Variants in PRDM16 observed in about 807,000 individuals in gnomAD.
PRDM16 encodes PR/SET domain 16.
PRDM16 carries 23 observed loss-of-function variants against 110.6 expected under a neutral mutation model. That is an observed-to-expected ratio of 0.21 (90% CI 0.15 to 0.29). The LOEUF (loss-of-function observed/expected upper bound fraction) is 0.29, where lower values mean the gene tolerates loss of function less well. PRDM16 is among the 10% of genes least tolerant of loss of function. PRDM16 has a pLI of 1.00. For synonymous variants in PRDM16, 799 were observed against 781.8 expected (o/e 1.02, Z -0.37); for missense variants, 1,615 against 1,794.3 (o/e 0.90, Z 1.81).
At chr1:3,158,615 A>C (rs1172146298) in intron 1 of PRDM16, among the ~76,000 whole-genome samples, 1 of 152,088 alleles carries the variant, frequency 6.6e-6, no homozygotes, top group African/African-American at 2.4e-5. Flanking sequence ...TGGGGGGAAA[A>C]GAGGAGACTG....
At chr1:3,388,288 C>T (rs1643235802) in intron 4 of PRDM16, among the ~76,000 whole-genome samples, 1 of 149,296 alleles carries the variant, frequency 6.7e-6, no homozygotes, top group East Asian at 2.1e-4. Flanking sequence ...CTCCCTCTCT[C>T]TTTCTCTGTC....
At chr1:3,364,974 C>T (rs962716672) in intron 3 of PRDM16, among the ~76,000 whole-genome samples, 2 of 152,200 alleles carry the variant, frequency 1.3e-5, no homozygotes, top group Non-Finnish European at 2.9e-5. Flanking sequence ...GAAAGCCTTA[C>T]CCAGTGCTGG....
intron 4 of PRDM16, chr1:3,386,955 T>G (rs1466667255): frequency 6.6e-6 from 1 of 152,066 alleles, no homozygotes; most frequent in Non-Finnish European, 1.5e-5. Flanking sequence ...TGTGTCTAGC[T>G]TTTTAAAAAA....
chr1:3,248,911 G>A (rs1392721459), intron 3 of PRDM16, among the ~76,000 whole-genome samples: 2 of 152,334 alleles, frequency 1.3e-5, no homozygotes, highest in Admixed American at 6.5e-5. Context: ...GGGGACTGGG[G>A]GCTAATGAAG....
chr1:3,176,180 T>TATCC (rs1429427750), intron 1 of PRDM16, among the ~76,000 whole-genome samples: 96 of 34,002 alleles, frequency 2.8e-3, no homozygotes, highest in Middle Eastern at 0.022. Flanking sequence ...TCCATCCATC[T>TATCC]ATCCATCCAT....
chr1:3,373,169 G>T (rs776679070), intron 3 of PRDM16, among the ~76,000 whole-genome samples: 1 of 152,182 alleles, frequency 6.6e-6, no homozygotes, highest in Non-Finnish European at 1.5e-5. Context: ...GGAGCACGGG[G>T]GTTAGGGGAG....
At chr1:3,072,400 C>T (rs964870105) in intron 1 of PRDM16, among the ~76,000 whole-genome samples, 11 of 152,164 alleles carry the variant, frequency 7.2e-5, no homozygotes, top group Non-Finnish European at 1.6e-4. Context: ...AGGTGGCAGA[C>T]CCCATGTCCT....
chr1:3,365,177 C>A (rs1642787705), intron 3 of PRDM16, among the ~76,000 whole-genome samples: 1 of 152,204 alleles, frequency 6.6e-6, no homozygotes, highest in South Asian at 2.1e-4. Flanking sequence ...CCGCCTGGAG[C>A]TTGGCAGTGC....
At chr1:3,217,883 C>T (rs968792570) in intron 2 of PRDM16, among the ~76,000 whole-genome samples, 3 of 152,240 alleles carry the variant, frequency 2.0e-5, no homozygotes, top group Admixed American at 6.5e-5. Context: ...GCTCCCCACA[C>T]GAGGTTTTGG....
intron 3 of PRDM16, among the ~76,000 whole-genome samples, chr1:3,348,428 C>A (rs1642408752): frequency 6.6e-6 from 1 of 152,200 alleles, no homozygotes; most frequent in Non-Finnish European, 1.5e-5. Flanking sequence ...GGCAGCTCTT[C>A]AGCACCATCC....
chr1:3,257,163 G>A (rs1557562115), intron 3 of PRDM16, among the ~76,000 whole-genome samples: 2 of 152,216 alleles, frequency 1.3e-5, no homozygotes, highest in Non-Finnish European at 2.9e-5. Flanking sequence ...AGGCCGCGGA[G>A]GGCTCTTCGA....
intron 1 of PRDM16, among the ~76,000 whole-genome samples, chr1:3,124,102 G>C (rs1483409390): frequency 6.6e-6 from 1 of 152,172 alleles, no homozygotes; most frequent in African/African-American, 2.4e-5. Flanking sequence ...CCCAAGAACT[G>C]CTGGGACCCG....
rs757211426 is a variant in PRDM16 at position 3,433,672 on chromosome 1, G to T, written c.3697-5G>T. The stretch of plus-strand genomic sequence containing the variant: ...CCTGTGTGTGTGTCATCCCCTCCCC[G>T]CCAGGCATATGCAATGATGCTGTCC... On this transcript the variant is annotated splice_region_variant and splice_polypyrimidine_tract_variant and intron_variant, in intron 16 of 16. Coordinates refer to ENST00000270722, the MANE Select transcript of PRDM16 (RefSeq NM_022114.4). 1 of 1,611,894 alleles carries T rather than the reference G, an allele frequency of 6.2e-7. No individual in the cohort carries two copies. The highest frequency in any genetic ancestry group is 1.1e-5 in the South Asian group (1 of 90,872).
At chr1:3,249,002 A>G (rs1452379958) in intron 3 of PRDM16, among the ~76,000 whole-genome samples, 1 of 152,150 alleles carries the variant, frequency 6.6e-6, no homozygotes, top group East Asian at 1.9e-4. Context: ...TTACTGGAGG[A>G]GGCCACACAC....
At chr1:3,409,754 GGTGTGAGT>G (rs1190015336) in intron 8 of PRDM16, among the ~76,000 whole-genome samples, 1 of 134,750 alleles carries the variant, frequency 7.4e-6, no homozygotes, top group Non-Finnish European at 1.6e-5. Context: ...GTGTGGTGTG[GGTGTGAGT>G]GTGTGTGGTT....
intron 2 of PRDM16, among the ~76,000 whole-genome samples, chr1:3,226,122 G>A (rs1440313829): frequency 6.6e-6 from 1 of 152,236 alleles, no homozygotes; most frequent in Non-Finnish European, 1.5e-5. Flanking sequence ...GGTGCCAGCA[G>A]GTAAGGCTGG....
intron 7 of PRDM16, among the ~76,000 whole-genome samples, chr1:3,405,197 G>T (rs1029189585): frequency 6.6e-6 from 1 of 152,158 alleles, no homozygotes; most frequent in Admixed American, 6.5e-5. Context: ...CCTCCACCCC[G>T]AGCCCGCCAG....
At chr1:3,268,958 T>A (rs546264342) in intron 3 of PRDM16, among the ~76,000 whole-genome samples, 86 of 152,330 alleles carry the variant, frequency 5.6e-4, no homozygotes, top group South Asian at 3.9e-3. Context: ...CTGGGGGTCC[T>A]TCCAAAGGTT....
At chr1:3,343,265 T>C (rs1484238828) in intron 3 of PRDM16, among the ~76,000 whole-genome samples, 1 of 149,396 alleles carries the variant, frequency 6.7e-6, no homozygotes, top group African/African-American at 2.5e-5. Flanking sequence ...TTTCACTGGG[T>C]ATAAGTGCTT....
Sources: allele counts gnomAD v4.1 joint callset (sites outside exome capture counted in the v4.1 genomes callset), GRCh38; gene constraint gnomAD v4.1.1; transcripts MANE v1.5; gene names NCBI Gene and HGNC (gene_info 2026-07-23, HGNC 2026-07-21).